LRRTM3: variants seen among roughly 807,000 people sequenced by gnomAD.
The protein encoded by LRRTM3 is leucine-rich repeat transmembrane neuronal protein 3.
Under a neutral mutation model 44.7 loss-of-function variants are expected in LRRTM3, and 24 were observed. The observed-to-expected ratio is 0.54, with a 90% CI of 0.39 to 0.76. LRRTM3 has a LOEUF of 0.76. LRRTM3 is among the 30% of genes least tolerant of loss of function. The pLI is 0.00. For synonymous variants in LRRTM3, 277 were observed against 278.7 expected, an observed-to-expected ratio of 0.99 and a Z score of 0.06; for missense variants, 587 against 702.2, an observed-to-expected ratio of 0.84 and a Z score of 1.85.
intron 2 of LRRTM3, among the ~76,000 whole-genome samples, chr10:66,938,268 G>A (rs975538735): frequency 1.3e-5 from 2 of 151,964 alleles, no homozygotes; most frequent in African/African-American, 4.8e-5. Flanking sequence ...TAAACAATGT[G>A]AGGGTCAAGA....
rs55653118 is a variant in LRRTM3 at position 66,989,019 on chromosome 10, T to A, written c.1536+60567T>A. Among the ~76,000 whole-genome samples the A allele has an allele frequency of 6.2e-3, 943 of 152,268 alleles. 8 individuals are homozygous for A. Among genetic ancestry groups the A allele is most frequent in the African/African-American group, 0.022 (900 of 41,558 alleles). ...TCACTTAAAAAAAAAAAATCCCTTT[T>A]CTACCTCTCTTTTATCAGTCTCGTT... On this transcript the variant is annotated intron_variant, in intron 2 of 2. Coordinates refer to ENST00000361320, the MANE Select transcript of LRRTM3 (RefSeq NM_178011.5).
At chr10:66,988,029 T>C (rs1008707329) in intron 2 of LRRTM3, among the ~76,000 whole-genome samples, 3 of 152,194 alleles carry the variant, frequency 2.0e-5, no homozygotes, top group Non-Finnish European at 4.4e-5. Flanking sequence ...CTTTATTTAA[T>C]ATAATTTAGT....
chr10:67,072,163 A>G (rs1271638672), intron 2 of LRRTM3, among the ~76,000 whole-genome samples: 1 of 152,146 alleles, frequency 6.6e-6, no homozygotes, highest in Non-Finnish European at 1.5e-5. Flanking sequence ...TATGTTGGTC[A>G]GGCTGGTCTC....
chr10:67,019,301 C>A (rs1320571510), intron 2 of LRRTM3, among the ~76,000 whole-genome samples: 1 of 152,198 alleles, frequency 6.6e-6, no homozygotes, highest in Non-Finnish European at 1.5e-5. Context: ...TCACCACAAC[C>A]TCTGCCTTCC....
chr10:67,041,451 A>G (rs1435936541), intron 2 of LRRTM3, among the ~76,000 whole-genome samples: 2 of 152,096 alleles, frequency 1.3e-5, no homozygotes, highest in Non-Finnish European at 2.9e-5. Flanking sequence ...CAGAAAAGAT[A>G]TTGGAAAGGT....
At chr10:67,087,484 C>T (rs1857370668) in intron 2 of LRRTM3, among the ~76,000 whole-genome samples, 1 of 151,738 alleles carries the variant, frequency 6.6e-6, no homozygotes, top group South Asian at 2.1e-4. Flanking sequence ...AAGTTTTATA[C>T]ATTTAGATAC....
intron 2 of LRRTM3, among the ~76,000 whole-genome samples, chr10:66,932,967 T>C (rs1267521625): frequency 6.6e-6 from 1 of 152,220 alleles, no homozygotes; most frequent in African/African-American, 2.4e-5. Flanking sequence ...CACAGGTACA[T>C]TTCCTGGCTT....
chr10:67,081,834 A>G (rs1000252335), intron 2 of LRRTM3, among the ~76,000 whole-genome samples: 3 of 152,182 alleles, frequency 2.0e-5, no homozygotes, highest in Admixed American at 1.3e-4. Context: ...ATCCTAGCCC[A>G]GCAGAGGTGA....
intron 2 of LRRTM3, among the ~76,000 whole-genome samples, chr10:66,951,099 A>T (rs1848515138): frequency 1.3e-5 from 2 of 149,058 alleles, no homozygotes; most frequent in African/African-American, 2.5e-5. Flanking sequence ...ACACACACAC[A>T]CACACACACA....
At chr10:67,017,512 C>A (rs1333429443) in intron 2 of LRRTM3, among the ~76,000 whole-genome samples, 1 of 152,168 alleles carries the variant, frequency 6.6e-6, no homozygotes, top group Non-Finnish European at 1.5e-5. Context: ...GTGTACCACA[C>A]TGGGAACCAC....
intron 2 of LRRTM3, among the ~76,000 whole-genome samples, chr10:66,998,309 C>T (rs1851472072): frequency 6.6e-6 from 1 of 152,000 alleles, no homozygotes; most frequent in Non-Finnish European, 1.5e-5. Flanking sequence ...GTACTAGTTG[C>T]AGGAATAAAA....
At chr10:67,024,848 G>A (rs536847574) in intron 2 of LRRTM3, among the ~76,000 whole-genome samples, 9 of 152,078 alleles carry the variant, frequency 5.9e-5, no homozygotes, top group African/African-American at 1.4e-4. Flanking sequence ...AACCACAAGA[G>A]GCCGGGTGGG....
chr10:67,091,221 T>C (rs1213593910), intron 2 of LRRTM3, among the ~76,000 whole-genome samples: 1 of 151,924 alleles, frequency 6.6e-6, no homozygotes, highest in Non-Finnish European at 1.5e-5. Flanking sequence ...CTTATATAAA[T>C]GAAACAGATA....
chr10:67,075,170 G>GCACACACACA (rs57260841), intron 2 of LRRTM3, among the ~76,000 whole-genome samples: 18,604 of 149,558 alleles, frequency 0.12, 1,399 homozygotes, highest in African/African-American at 0.22. Flanking sequence ...AAGGATTTCT[G>GCACACACACA]CACACACACA....
intron 2 of LRRTM3, among the ~76,000 whole-genome samples, chr10:67,083,113 T>C (rs1274284887): frequency 6.6e-6 from 1 of 152,122 alleles, no homozygotes; most frequent in African/African-American, 2.4e-5. Flanking sequence ...AGACCTTCAT[T>C]ACTCAGCCTT....
intron 2 of LRRTM3, among the ~76,000 whole-genome samples, chr10:67,037,168 A>C (rs1165053172): frequency 6.6e-6 from 1 of 152,198 alleles, no homozygotes; most frequent in Non-Finnish European, 1.5e-5. Context: ...AGATGTTCAC[A>C]CATCTCAACT....
At chr10:67,050,613 T>C (rs955578843) in intron 2 of LRRTM3, among the ~76,000 whole-genome samples, 5 of 152,178 alleles carry the variant, frequency 3.3e-5, no homozygotes, top group Admixed American at 1.3e-4. Flanking sequence ...CTCTCTAGGC[T>C]CTTTGGTACG....
chr10:66,926,285 C>G lies in LRRTM3; in HGVS notation c.-299C>G. Reference sequence around the variant, plus strand: ...AGTTTTTTTTTTAACCGCCCCCTCCCCACCCCCCAAAAAACTGTAAAGATG... The same window carrying G: ...AGTTTTTTTTTTAACCGCCCCCTCCGCACCCCCCAAAAAACTGTAAAGATG... On this transcript the variant is annotated 5_prime_UTR_variant, in exon 1 of 3. Transcript: ENST00000361320. The G allele has an allele frequency of 2.0e-6, 1 of 508,058 alleles. No individual in the cohort carries two copies. Among genetic ancestry groups the G allele is most frequent in the Admixed American group, 3.2e-5 (1 of 31,190 alleles). The allele number at this position is 508,058 out of a possible 1,614,324, so 31.5% of individuals were successfully genotyped here. A position where few individuals can be genotyped will look rare whatever the true frequency, so the allele number is the denominator to read the frequency against.
intron 2 of LRRTM3, among the ~76,000 whole-genome samples, chr10:67,037,369 A>T (rs972758321): frequency 1.6e-5 from 2 of 126,664 alleles, no homozygotes; most frequent in African/African-American, 6.2e-5. Flanking sequence ...ATGGAAATCT[A>T]AAAAAAAAAA....
Sources: allele counts gnomAD v4.1 joint callset (sites outside exome capture counted in the v4.1 genomes callset), GRCh38; gene constraint gnomAD v4.1.1; transcripts MANE v1.5; gene names NCBI Gene and HGNC (gene_info 2026-07-23, HGNC 2026-07-21).